Variants in CDCA7 observed in about 807,000 individuals in gnomAD.
The protein encoded by CDCA7 is cell division cycle associated 7, also known as cell division cycle-associated protein 7.
A neutral mutation model predicts 54.0 loss-of-function variants in CDCA7; 28 were observed. The observed-to-expected ratio is 0.52, with a 90% CI of 0.38 to 0.71. The LOEUF is 0.71. Ranked by LOEUF, CDCA7 falls within the 30% of genes least tolerant of loss-of-function variation. The probability of loss-of-function intolerance (pLI) is 0.00; values close to 1 mark genes in which losing one functional copy is unlikely to be tolerated. For synonymous variants in CDCA7, 180 were observed against 208.2 expected (o/e 0.86, Z 1.16); for missense variants, 484 against 586.0 (o/e 0.83, Z 1.80).
At position 173,367,636 on chromosome 2, in the gene CDCA7, T is replaced by A; in HGVS notation, c.1325T>A (p.Leu442Gln). The A allele has an allele frequency of 6.2e-7, 1 of 1,614,196 alleles. No individual in the cohort carries two copies. The highest frequency in any genetic ancestry group is 2.2e-5 in the East Asian group (1 of 44,880). The stretch of plus-strand genomic sequence containing the variant: ...ACATTTCCTTTTGTTTTTCACAGCC[T>A]GAAACAGGAATTTGAAATGCAAGCA... ...FGNVHAYLKS[L>Q]KQEFEMQA The change falls in exon 10 of 10, where the codon CTG becomes CAG. Residue 442 changes from leucine to glutamine, a missense_variant and splice_region_variant. This residue lies in a region of CDCA7 where 83 missense variants were observed against 122.3 expected (regional missense o/e 0.68). Transcript: ENST00000306721.
chr2:173,363,537 CAA>C (rs1686663711), intron 4 of CDCA7, 75 bp downstream of exon 4: 1 of 1,390,840 alleles, frequency 7.2e-7, no homozygotes, highest in African/African-American at 1.4e-5. Flanking sequence ...TTCCATCACG[CAA>C]AAGTTATTTT....
At position 173,364,970 on chromosome 2, in the gene CDCA7, C is replaced by T; in HGVS notation, c.875C>T (p.Thr292Ile). The change falls in exon 6 of 10, where the codon ACC becomes ATC. Residue 292 changes from threonine (T) to isoleucine (I), a missense_variant. Around this residue, in one of 3 missense-constraint regions of CDCA7, gnomAD observed 398 missense variants for 447.4 expected, o/e 0.89. Coordinates refer to ENST00000306721, the MANE Select transcript of CDCA7 (RefSeq NM_031942.5). ...TACATGTTGGTGAGAAAGAGGAAGA[C>T]CGTGGATGGCTACATGAATGTGAGT... ...DKYMLVRKRK[T>I]VDGYMNEDDL... is the part of the protein sequence containing the mutation. 2 of 1,577,904 alleles carry T rather than the reference C, an allele frequency of 1.3e-6. No individual in the cohort carries two copies. Among genetic ancestry groups the T allele is most frequent in the Non-Finnish European group, 1.7e-6 (2 of 1,167,802 alleles).
Position 173,367,732 on chromosome 2 carries a change from A to G in CDCA7, c.*68A>G. 6.7e-7 allele frequency: 1 copy of G among 1,486,384 alleles called. No individual in the cohort carries two copies. 92.1% of individuals were successfully genotyped at this position (1,486,384 alleles called of 1,614,324 possible). A position where few individuals can be genotyped will look rare whatever the true frequency, so the allele number is the denominator to read the frequency against. On this transcript the variant is annotated 3_prime_UTR_variant, in exon 10 of 10. Coordinates refer to ENST00000306721, the MANE Select transcript of CDCA7 (RefSeq NM_031942.5). ...TCTTGTAAAAGTTTCCAATTTTTTC[A>G]CTGAAACCTGAGTTAAAAATCTTGA...
In CDCA7 at chr2:173,365,583, C is replaced by G; in HGVS notation, c.1026C>G (p.Asn342Lys). 6.2e-7 allele frequency: 1 copy of G among 1,613,988 alleles called. No homozygotes were observed. The highest frequency in any genetic ancestry group is 8.5e-7 in the Non-Finnish European group (1 of 1,179,970). The change falls in exon 7 of 10, where the codon AAC becomes AAG. Residue 342 changes from asparagine (N) to lysine (K), a missense_variant. This residue lies in a region of CDCA7 where 398 missense variants were observed against 447.4 expected (regional missense o/e 0.89). Transcript: ENST00000306721. Reference sequence around the variant, plus strand: ...GCAATTCTCGAGAGAAGATATATAACCGTTCACTGGTGAGAGCCTCTAAAT... The same window carrying G: ...GCAATTCTCGAGAGAAGATATATAAGCGTTCACTGGTGAGAGCCTCTAAAT... The part of the protein sequence containing the change: ...VCSNSREKIY[N>K]RSLGSTCHQC...
intron 1 of CDCA7, among the ~76,000 whole-genome samples, chr2:173,356,657 G>C (rs1001144763): frequency 2.0e-5 from 3 of 152,088 alleles, no homozygotes; most frequent in Non-Finnish European, 4.4e-5. Context: ...TGTACGCACC[G>C]CCACATCCGG....
chr2:173,362,783 G>T (rs1303136238), intron 3 of CDCA7, among the ~76,000 whole-genome samples: 1 of 151,448 alleles, frequency 6.6e-6, no homozygotes, highest in African/African-American at 2.4e-5. Flanking sequence ...TCACCATGTT[G>T]CCCAGGCTGG....
intron 3 of CDCA7, among the ~76,000 whole-genome samples, chr2:173,361,302 C>G (rs989004465): frequency 2.6e-5 from 4 of 152,136 alleles, no homozygotes; most frequent in African/African-American, 9.7e-5. Flanking sequence ...TAGGTATATA[C>G]ATAGGAATAG....
intron 3 of CDCA7, among the ~76,000 whole-genome samples, chr2:173,361,474 CAG>C (rs1382689058): frequency 7.5e-6 from 1 of 133,538 alleles, no homozygotes; most frequent in African/African-American, 2.8e-5. Context: ...TTTTTTGAGA[CAG>C]AGTCTCACTC....
Position 173,354,940 on chromosome 2 carries a change from C to T in CDCA7, c.-24C>T. ...TGCTCCGCTCTCCCCGCTCCAAGCG[C>T]CGATCTGGGCACCCGCCACCAGCAT... On this transcript the variant is annotated 5_prime_UTR_variant, in exon 1 of 10. Coordinates refer to ENST00000306721, the MANE Select transcript of CDCA7 (RefSeq NM_031942.5). 6.8e-7 allele frequency: 1 copy of T among 1,477,254 alleles called. No homozygotes were observed. The highest frequency in any genetic ancestry group is 8.9e-7 in the Non-Finnish European group (1 of 1,121,868). 91.5% of individuals were successfully genotyped at this position (1,477,254 alleles called of 1,614,324 possible).
chr2:173,361,203 G>A (rs1686614070), intron 3 of CDCA7, among the ~76,000 whole-genome samples: 1 of 152,184 alleles, frequency 6.6e-6, no homozygotes, highest in African/African-American at 2.4e-5. Context: ...TGATGGATAA[G>A]TGGGTTGTTT....
intron 3 of CDCA7, among the ~76,000 whole-genome samples, chr2:173,360,833 G>A (rs1686606407): frequency 6.6e-6 from 1 of 151,490 alleles, no homozygotes; most frequent in African/African-American, 2.4e-5. Flanking sequence ...TGGGATTTAT[G>A]GGTGATTTTT....
intron 4 of CDCA7, 64 bp downstream of exon 4, chr2:173,363,526 G>C: frequency 6.9e-7 from 1 of 1,453,228 alleles, no homozygotes; most frequent in East Asian, 2.3e-5. Context: ...ACTTAAATCT[G>C]TTCCATCACG....
At chr2:173,359,717 T>G (rs981526829) in intron 3 of CDCA7, among the ~76,000 whole-genome samples, 17 of 152,322 alleles carry the variant, frequency 1.1e-4, no homozygotes, top group Admixed American at 4.6e-4. Flanking sequence ...TGGAAACTGG[T>G]AAGATAAAAT....
intron 5 of CDCA7, 51 bp from the exon 6 acceptor site, chr2:173,364,744 A>G (rs549258132): frequency 6.5e-7 from 1 of 1,544,940 alleles, no homozygotes; most frequent in South Asian, 1.3e-5. Flanking sequence ...CCAAAGTACT[A>G]CTTCTCTTTA....
At chr2:173,355,064 C>T in intron 1 of CDCA7, 80 bp downstream of exon 1, 1 of 1,257,744 alleles carries the variant, frequency 8.0e-7, no homozygotes, top group Non-Finnish European at 1.0e-6. Context: ...CCCTCTCCAA[C>T]TCCGCAGCCT....
rs1465925645 is a variant in CDCA7 at position 173,367,250 on chromosome 2, A to G, written c.1286A>G (p.Tyr429Cys). ...ATGVLVYLAK[Y>C]HGFGNVHAYL... ...GGGGTCCTTGTGTATTTAGCCAAAT[A>G]TCATGGCTTTGGGAATGTGCATGCC... is the stretch of plus-strand genomic sequence containing the variant. The change falls in exon 9 of 10, where the codon TAT becomes TGT. Residue 429 changes from tyrosine to cysteine, a missense_variant. Physicochemically the swap from Tyr to Cys is radical, Grantham distance 194. Around this residue, in one of 3 missense-constraint regions of CDCA7, gnomAD observed 83 missense variants for 122.3 expected, o/e 0.68. Coordinates refer to ENST00000306721, the MANE Select transcript of CDCA7 (RefSeq NM_031942.5). The G allele has an allele frequency of 6.2e-7, 1 of 1,614,082 alleles. No individual in the cohort carries two copies. Among genetic ancestry groups the G allele is most frequent in the Admixed American group, 1.7e-5 (1 of 60,020 alleles).
In CDCA7 at chr2:173,363,855, G is replaced by C; in HGVS notation, c.659G>C (p.Gly220Ala). The change falls in exon 5 of 10, where the codon GGC (glycine) becomes GCC (alanine). Residue 220 changes from glycine to alanine, a missense_variant. Transcript: ENST00000306721. Reference sequence around the variant, plus strand: ...ATGTCTGAATTAGAAAGCTTCCCTGGCTCGTTCCGTGGAAGACATCCCCTC... The same window carrying C: ...ATGTCTGAATTAGAAAGCTTCCCTGCCTCGTTCCGTGGAAGACATCCCCTC... ...KLMSELESFP[G>A]SFRGRHPLPG... is the part of the protein sequence containing the mutation. 6.2e-7 allele frequency: 1 copy of C among 1,614,126 alleles called. No individual in the cohort carries two copies. Among genetic ancestry groups the C allele is most frequent in the Non-Finnish European group, 8.5e-7 (1 of 1,180,014 alleles).
In CDCA7 at chr2:173,363,215, G is replaced by A; in HGVS notation, c.385-11G>A. On this transcript the variant is annotated splice_polypyrimidine_tract_variant and intron_variant, in intron 3 of 9. Transcript: ENST00000306721. Reference sequence around the variant, plus strand: ...CTGATCAAGTCCTAATGACTCAATTGTTGTGATTAGAGGCTGCAGTCAGTT... The same window carrying A: ...CTGATCAAGTCCTAATGACTCAATTATTGTGATTAGAGGCTGCAGTCAGTT... 1 of 1,613,468 alleles carries A rather than the reference G, an allele frequency of 6.2e-7. No homozygotes were observed.
At chr2:173,367,050 T>A in intron 8 of CDCA7, 100 bp from the exon 9 acceptor site, 1 of 1,470,906 alleles carries the variant, frequency 6.8e-7, no homozygotes, top group Non-Finnish European at 9.1e-7. Flanking sequence ...ATTAATCATA[T>A]AAATTTTTAA....
Sources: allele counts gnomAD v4.1 joint callset (sites outside exome capture counted in the v4.1 genomes callset), GRCh38; gene constraint gnomAD v4.1.1; regional missense constraint gnomAD v4.1.1; transcripts MANE v1.5; gene names NCBI Gene and HGNC (gene_info 2026-07-23, HGNC 2026-07-21).